CNST: variants seen among roughly 807,000 people sequenced by gnomAD.
CNST encodes consortin, connexin sorting protein.
In CNST, 39 loss-of-function variants were observed where a neutral mutation model predicts 72.4. The observed-to-expected ratio is 0.54, with a 90% confidence interval of 0.42 to 0.70. CNST has a LOEUF of 0.70. CNST is among the 30% of genes least tolerant of loss of function. CNST has a pLI of 0.00. For synonymous variants in CNST, 332 were observed against 320.1 expected (o/e 1.04, Z -0.40); for missense variants, 871 against 868.5 (o/e 1.00, Z -0.04).
Position 246,585,641 on chromosome 1 carries a change from CAAAAAA to C in CNST, c.-51-5854_-51-5849del, listed in dbSNP as rs543693321. 4.2e-3 allele frequency among the ~76,000 whole-genome samples: 181 copies of C among 42,848 alleles called. 3 individuals carry two copies. Among genetic ancestry groups the C allele is most frequent in the African/African-American group, 0.011 (162 of 14,152 alleles). The allele number at this position is 42,848 out of a possible 152,430, so 28.1% of individuals were successfully genotyped here. A position where few individuals can be genotyped will look rare whatever the true frequency, so the allele number is the denominator to read the frequency against. ...AGCCTGGGCAACAGAGACTCTGTCT[CAAAAAA>C]AAAAAAAAAAAAAAAATATACACAC... On this transcript the variant is annotated intron_variant, in intron 1 of 10. Coordinates refer to ENST00000366513, the MANE Select transcript of CNST (RefSeq NM_152609.3).
chr1:246,610,435 C>T (rs1663236544), intron 2 of CNST, among the ~76,000 whole-genome samples: 1 of 152,022 alleles, frequency 6.6e-6, no homozygotes, highest in South Asian at 2.1e-4. Flanking sequence ...ATTCTTTGCC[C>T]AGGAAATTCA....
At chr1:246,598,003 C>T (rs1661997125) in intron 2 of CNST, among the ~76,000 whole-genome samples, 1 of 151,770 alleles carries the variant, frequency 6.6e-6, no homozygotes, top group Non-Finnish European at 1.5e-5. Context: ...TTATTTAAGA[C>T]AGGATTTTGT....
In CNST at chr1:246,566,649, G is replaced by T; in HGVS notation, c.-66G>T. 2.5e-6 allele frequency: 1 copy of T among 401,322 alleles called. No homozygotes were observed. The highest frequency in any genetic ancestry group is 4.4e-6 in the Non-Finnish European group (1 of 227,410). 24.9% of individuals were successfully genotyped at this position (401,322 alleles called of 1,614,324 possible). On this transcript the variant is annotated 5_prime_UTR_variant, in exon 1 of 11. Transcript: ENST00000366513. ...GGCGCCCAGCGGTAGCCCTCCTTGC[G>T]CCTCCGATTCCCAGGTGAGGAGAGG...
rs543296717 is a variant in CNST at position 246,567,165 on chromosome 1, A to G, written c.-52+502A>G. ...TCAGTTTGTGTGTTTAAAAGACTTA[A>G]AGTTAAGATTAAAAATGAAGATGTA... On this transcript the variant is annotated intron_variant, in intron 1 of 10. Transcript: ENST00000366513. 3.0e-3 allele frequency among the ~76,000 whole-genome samples: 450 copies of G among 151,704 alleles called. 2 individuals carry two copies. Among genetic ancestry groups the G allele is most frequent in the Middle Eastern group, 0.01 (3 of 292 alleles).
At chr1:246,642,129 T>A in intron 8 of CNST, 92 bp downstream of exon 8, 2 of 500,050 alleles carry the variant, frequency 4.0e-6, no homozygotes. Context: ...CTGCAAAGGA[T>A]CTGGTTTTTT....
chr1:246,608,366 G>C (rs1356294283), intron 2 of CNST, among the ~76,000 whole-genome samples: 1 of 152,112 alleles, frequency 6.6e-6, no homozygotes, highest in Non-Finnish European at 1.5e-5. Flanking sequence ...AGAGGTTTAA[G>C]AATTAGCATC....
intron 10 of CNST, among the ~76,000 whole-genome samples, chr1:246,664,398 C>T (rs1023651767): frequency 6.6e-6 from 1 of 151,660 alleles, no homozygotes; most frequent in South Asian, 2.1e-4. Context: ...CCTGTTGTCC[C>T]GGAATTGCAT....
chr1:246,653,255 G>T (rs1280898345), intron 9 of CNST, among the ~76,000 whole-genome samples: 1 of 152,154 alleles, frequency 6.6e-6, no homozygotes, highest in African/African-American at 2.4e-5. Context: ...CCTATTAAGT[G>T]AGGTAGTTAT....
chr1:246,603,627 G>C (rs1172446463), intron 2 of CNST, among the ~76,000 whole-genome samples: 1 of 152,190 alleles, frequency 6.6e-6, no homozygotes, highest in Non-Finnish European at 1.5e-5. Flanking sequence ...ATTTAGCAAT[G>C]AAAATAAATA....
intron 3 of CNST, among the ~76,000 whole-genome samples, chr1:246,626,597 C>T (rs1269715197): frequency 6.6e-6 from 1 of 151,014 alleles, no homozygotes; most frequent in East Asian, 2.0e-4. Flanking sequence ...GCTGGGATTA[C>T]AGGCACGTGC....
intron 2 of CNST, among the ~76,000 whole-genome samples, chr1:246,600,508 G>A (rs770725903): frequency 1.3e-5 from 2 of 152,168 alleles, no homozygotes; most frequent in Non-Finnish European, 2.9e-5. Flanking sequence ...TAGCTGTACG[G>A]CTGGAGAGAA....
chr1:246,572,180 C>T (rs962703180), intron 1 of CNST, among the ~76,000 whole-genome samples: 1 of 152,192 alleles, frequency 6.6e-6, no homozygotes, highest in African/African-American at 2.4e-5. Context: ...TGCAGTGAAG[C>T]ATGACTGCAC....
intron 9 of CNST, among the ~76,000 whole-genome samples, chr1:246,654,628 TA>T (rs1484360225): frequency 6.6e-6 from 1 of 152,260 alleles, no homozygotes; most frequent in African/African-American, 2.4e-5. Context: ...AATACATCTT[TA>T]TATTCTCTGC....
chr1:246,583,842 C>T (rs1265657803), intron 1 of CNST, among the ~76,000 whole-genome samples: 1 of 152,104 alleles, frequency 6.6e-6, no homozygotes, highest in East Asian at 1.9e-4. Flanking sequence ...CATCGTGTTC[C>T]CATTCAAAGG....
intron 9 of CNST, among the ~76,000 whole-genome samples, chr1:246,655,297 C>G (rs963506102): frequency 4.6e-5 from 7 of 151,830 alleles, no homozygotes; most frequent in African/African-American, 1.7e-4. Context: ...TGCGTTTTTC[C>G]CCTTGTTTGC....
chr1:246,591,679 T>G lies in CNST; in HGVS notation c.117T>G (p.Asn39Lys). ...VTCLPSASDE[N>K]ENQLDGDGHE... ...GTCTGCCTTCTGCATCAGATGAAAA[T>G]GAAAATCAGCTTGACGGGGACGGGC... The change falls in exon 2 of 11, where the codon AAT becomes AAG. Residue 39 changes from asparagine (N) to lysine (K), a missense_variant. Transcript: ENST00000366513. The G allele has an allele frequency of 6.2e-7, 1 of 1,614,042 alleles. No homozygotes were observed. The highest frequency in any genetic ancestry group is 8.5e-7 in the Non-Finnish European group (1 of 1,180,006).
intron 6 of CNST, among the ~76,000 whole-genome samples, chr1:246,639,054 A>C (rs1480375186): frequency 6.6e-6 from 1 of 152,174 alleles, no homozygotes; most frequent in Non-Finnish European, 1.5e-5. Context: ...TGAGGACAGC[A>C]GCTGCCACCA....
chr1:246,641,152 G>T (rs952241787), intron 6 of CNST, among the ~76,000 whole-genome samples: 2 of 152,146 alleles, frequency 1.3e-5, no homozygotes, highest in African/African-American at 2.4e-5. Context: ...GGTTTGCTCT[G>T]TTTTATTGCA....
Position 246,664,712 on chromosome 1 carries a change from C to G in CNST, c.1973-988C>G, listed in dbSNP as rs571571424. On this transcript the variant is annotated intron_variant, in intron 10 of 10. Transcript: ENST00000366513. The stretch of plus-strand genomic sequence containing the variant: ...AAGTGCTGGGATTACAGGCGTGAGC[C>G]ACCACACCCAGCCTTAACACTGTCT... Among the ~76,000 whole-genome samples, 3 of 152,300 alleles carry G rather than the reference C, an allele frequency of 2.0e-5. No homozygotes were observed. In the East Asian group the frequency reaches 5.8e-4, roughly 29 times the overall value.
Sources: gnomAD v4.1 joint callset for allele counts (sites outside exome capture counted in the v4.1 genomes callset) on GRCh38, gnomAD v4.1.1 for gene constraint, MANE v1.5 for transcripts, NCBI Gene and HGNC (gene_info 2026-07-23, HGNC 2026-07-21) for gene names.